Variants in DCAF10 observed in about 807,000 individuals in gnomAD.
DCAF10 encodes DDB1- and CUL4-associated factor 10.
In DCAF10, 19 loss-of-function variants were observed where a neutral mutation model predicts 51.9. That is an observed-to-expected ratio of 0.37 (90% CI 0.26 to 0.54). DCAF10 has a LOEUF of 0.54. Among genes scored for constraint, DCAF10 ranks in the 20% least tolerant of loss-of-function variants. DCAF10 has a pLI of 0.87. For synonymous variants in DCAF10, 291 were observed against 297.1 expected (o/e 0.98, Z 0.21); for missense variants, 510 against 730.6 (o/e 0.70, Z 3.48).
chr9:37,804,633 G>A (rs1265033762), intron 1 of DCAF10, among the ~76,000 whole-genome samples: 2 of 151,948 alleles, frequency 1.3e-5, no homozygotes, highest in African/African-American at 2.4e-5. Flanking sequence ...AAAACTAGCC[G>A]AGCGTGGTGG....
At chr9:37,852,949 T>TATATATATATAC (rs893632192) in intron 3 of DCAF10, among the ~76,000 whole-genome samples, 4 of 30,962 alleles carry the variant, frequency 1.3e-4, no homozygotes, top group Non-Finnish European at 2.2e-4. Context: ...TATATATATA[T>TATATATATATAC]ATATATATAT....
chr9:37,838,897 G>T lies in DCAF10; in HGVS notation c.654-3192G>T, dbSNP rs1008970863. On this transcript the variant is annotated intron_variant, in intron 2 of 6. Transcript: ENST00000377724. Reference sequence around the variant, plus strand: ...AAAAAAAAAATTAAAAAGAAAAAAGGTTTCAGTTCTTCATACAGTGAACAC... The same window carrying T: ...AAAAAAAAAATTAAAAAGAAAAAAGTTTTCAGTTCTTCATACAGTGAACAC... Among the ~76,000 whole-genome samples, 5 of 151,788 alleles carry T rather than the reference G, an allele frequency of 3.3e-5. No homozygotes were observed. The East Asian group carries it at 5.8e-4, about 18-fold the overall frequency.
intron 2 of DCAF10, among the ~76,000 whole-genome samples, chr9:37,838,731 A>C (rs1030582865): frequency 1.3e-5 from 2 of 152,012 alleles, no homozygotes; most frequent in Admixed American, 1.3e-4. Flanking sequence ...TCTCTACTAA[A>C]AATACAAAAA....
At chr9:37,846,008 C>T (rs886166783) in intron 3 of DCAF10, among the ~76,000 whole-genome samples, 12 of 151,996 alleles carry the variant, frequency 7.9e-5, no homozygotes, top group African/African-American at 2.9e-4. Context: ...GGAATTCTTA[C>T]ATCATGTATA....
chr9:37,825,452 T>C (rs977372987), intron 2 of DCAF10, among the ~76,000 whole-genome samples: 5 of 152,178 alleles, frequency 3.3e-5, no homozygotes, highest in Admixed American at 6.5e-5. Flanking sequence ...GGCCATTATC[T>C]TTAGCAAATT....
chr9:37,819,201 A>G (rs1191177286), intron 1 of DCAF10, 87 bp from the exon 2 acceptor site: 1 of 1,036,466 alleles, frequency 9.6e-7, no homozygotes, highest in Admixed American at 2.5e-5. Context: ...TTATTTACCT[A>G]TAGCTTGTGT....
intron 1 of DCAF10, among the ~76,000 whole-genome samples, chr9:37,812,865 A>G (rs10973567): frequency 0.029 from 4,474 of 152,050 alleles, 221 homozygotes; most frequent in African/African-American, 0.1. Context: ...GGTATAAAAC[A>G]TGAAAAATTT....
chr9:37,842,856 A>T (rs901096496), intron 3 of DCAF10, among the ~76,000 whole-genome samples: 2 of 152,250 alleles, frequency 1.3e-5, no homozygotes, highest in African/African-American at 4.8e-5. Flanking sequence ...CTAAAATGCC[A>T]GTTATGCCTC....
chr9:37,821,922 C>T (rs1345992006), intron 2 of DCAF10, among the ~76,000 whole-genome samples: 4 of 150,830 alleles, frequency 2.7e-5, no homozygotes, highest in African/African-American at 9.7e-5. Context: ...AAAAAAAAAA[C>T]AACAATCAAT....
chr9:37,833,416 A>T (rs953294642), intron 2 of DCAF10, among the ~76,000 whole-genome samples: 5 of 152,258 alleles, frequency 3.3e-5, no homozygotes, highest in African/African-American at 1.2e-4. Flanking sequence ...AAACAATTTT[A>T]AGTGGGGGAT....
intron 4 of DCAF10, among the ~76,000 whole-genome samples, chr9:37,856,146 C>G (rs1393065979): frequency 1.3e-5 from 2 of 151,962 alleles, no homozygotes; most frequent in Non-Finnish European, 2.9e-5. Flanking sequence ...GAGAAAGACC[C>G]TGTGTCCAAA....
rs1251158531 is a variant in DCAF10, at chr9:37,857,317, T to C, written c.1131T>C (p.Ser377=). Residue 377 remains serine (S), a synonymous_variant, in exon 5 of 7, where the codon TCT becomes TCC. Coordinates refer to ENST00000377724, the MANE Select transcript of DCAF10 (RefSeq NM_024345.5). ...SPCHHSDSNS[S]EKHMSRASQR... ...GTCATCATAGTGATTCTAATTCTTC[T>C]GAGAAACACATGTCACGAGCCTCTC... 1.9e-6 allele frequency: 3 copies of C among 1,610,796 alleles called. No homozygotes were observed. Among genetic ancestry groups the C allele is most frequent in the Admixed American group, 3.4e-5 (2 of 59,352 alleles).
At chr9:37,812,900 A>C (rs1049178826) in intron 1 of DCAF10, among the ~76,000 whole-genome samples, 10 of 151,980 alleles carry the variant, frequency 6.6e-5, no homozygotes, top group Non-Finnish European at 1.2e-4. Context: ...ATTTATATAT[A>C]ATTATATCTA....
In DCAF10 at chr9:37,861,553, G is replaced by C; in HGVS notation, c.*45G>C. ...AGGAACTCTTCTGGTGTTTGACTTA[G>C]GAATTGCTTCAATTTAGATGAAGTA... On this transcript the variant is annotated 3_prime_UTR_variant, in exon 7 of 7. Coordinates refer to ENST00000377724, the MANE Select transcript of DCAF10 (RefSeq NM_024345.5). The surrounding 1 kb of genome is among the most constrained non-coding windows in gnomAD (Gnocchi z 4.9). 2 of 1,552,214 alleles carry C rather than the reference G, an allele frequency of 1.3e-6. No individual in the cohort carries two copies. Among genetic ancestry groups the C allele is most frequent in the Non-Finnish European group, 1.7e-6 (2 of 1,150,378 alleles).
At position 37,863,344 on chromosome 9, in the gene DCAF10, A is replaced by T. The variant is rs1831067207; in HGVS notation, c.*1836A>T. The T allele has an allele frequency of 6.6e-6, 1 of 151,708 alleles. No individual in the cohort carries two copies. The allele number at this position is 151,708 out of a possible 1,614,324, so 9.4% of individuals were successfully genotyped here. ...CTGTCTCAAAAAAAAAAAAAAAAAA[A>T]AAAAATTCTTCTCTACCCATTTGGG... On this transcript the variant is annotated 3_prime_UTR_variant, in exon 7 of 7. Transcript: ENST00000377724.
intron 3 of DCAF10, among the ~76,000 whole-genome samples, chr9:37,852,012 A>T (rs1830665621): frequency 6.6e-6 from 1 of 152,154 alleles, no homozygotes; most frequent in Non-Finnish European, 1.5e-5. Flanking sequence ...AGAAACTTTC[A>T]GAATATATGA....
chr9:37,850,830 A>T (rs1262625087), intron 3 of DCAF10, among the ~76,000 whole-genome samples: 9 of 5,242 alleles, frequency 1.7e-3, no homozygotes, highest in South Asian at 4.4e-3. Context: ...TATATTTTAT[A>T]TATATATATA....
At chr9:37,812,559 A>G (rs1037036072) in intron 1 of DCAF10, among the ~76,000 whole-genome samples, 1 of 152,252 alleles carries the variant, frequency 6.6e-6, no homozygotes, top group Non-Finnish European at 1.5e-5. Context: ...GGAAGGAAAA[A>G]GGTGGAAGAT....
chr9:37,822,052 CA>C (rs1829718706), intron 2 of DCAF10, among the ~76,000 whole-genome samples: 1 of 152,090 alleles, frequency 6.6e-6, no homozygotes, highest in African/African-American at 2.4e-5. Flanking sequence ...AAATGCAAAT[CA>C]AAACCATAAT....
Sources: gnomAD v4.1 joint callset for allele counts (sites outside exome capture counted in the v4.1 genomes callset) on GRCh38, gnomAD v4.1.1 for gene constraint, Gnocchi (gnomAD v3.1) non-coding constraint, MANE v1.5 for transcripts, NCBI Gene and HGNC (gene_info 2026-07-23, HGNC 2026-07-21) for gene names.